The following LGR5 variants were observed in gnomAD, a reference collection of about 807,000 sequenced individuals.
LGR5 encodes the protein leucine rich repeat containing G protein-coupled receptor 5.
In LGR5, 54 loss-of-function variants were observed where a neutral mutation model predicts 76.7. The observed-to-expected ratio is 0.70, with a 90% CI of 0.57 to 0.88. The LOEUF is 0.88. Among genes scored for constraint, LGR5 ranks in the 40% least tolerant of loss-of-function variants. The pLI is 0.00. For synonymous variants in LGR5, 406 were observed against 421.9 expected, an observed-to-expected ratio of 0.96 and a Z score of 0.46; for missense variants, 1,078 against 1,073.3, an observed-to-expected ratio of 1.00 and a Z score of -0.06.
intron 1 of LGR5, among the ~76,000 whole-genome samples, chr12:71,470,352 G>T (rs1441676460): frequency 2.0e-5 from 3 of 152,152 alleles, no homozygotes; most frequent in Non-Finnish European, 4.4e-5. Flanking sequence ...AATATAACTA[G>T]AATTTATTAA....
intron 1 of LGR5, among the ~76,000 whole-genome samples, chr12:71,471,693 C>A (rs753031342): frequency 6.6e-6 from 1 of 151,010 alleles, no homozygotes; most frequent in African/African-American, 2.4e-5. Context: ...TTGAATCCTC[C>A]GCAACTTACC....
chr12:71,526,640 G>A (rs1876019353), intron 3 of LGR5, among the ~76,000 whole-genome samples: 1 of 152,108 alleles, frequency 6.6e-6, no homozygotes. Flanking sequence ...ACAGACTGTG[G>A]GACCAAGATA....
chr12:71,497,505 G>A (rs781691850), intron 1 of LGR5, among the ~76,000 whole-genome samples: 1 of 152,038 alleles, frequency 6.6e-6, no homozygotes, highest in Non-Finnish European at 1.5e-5. Flanking sequence ...GTGTTTTGGA[G>A]TTAAAAATGA....
chr12:71,584,275 C>T lies in LGR5; in HGVS notation c.2265C>T (p.Asp755=). 1 of 1,614,210 alleles carries T rather than the reference C, an allele frequency of 6.2e-7. No individual in the cohort carries two copies. The highest frequency in any genetic ancestry group is 1.3e-5 in the African/African-American group (1 of 75,048). The change falls in exon 18 of 18, where the codon GAC becomes GAT. Residue 755 remains aspartate, a synonymous_variant. Transcript: ENST00000266674. ...TKLYCNLDKG[D]LENIWDCSMV... is the part of the protein sequence containing the mutation. ...TCTACTGCAATTTGGACAAGGGAGACCTGGAGAATATTTGGGACTGCTCTA... is the reference window on the plus strand; with the variant it reads ...TCTACTGCAATTTGGACAAGGGAGATCTGGAGAATATTTGGGACTGCTCTA...
At chr12:71,541,966 A>G (rs1565736537) in intron 4 of LGR5, among the ~76,000 whole-genome samples, 1 of 152,240 alleles carries the variant, frequency 6.6e-6, no homozygotes, top group Non-Finnish European at 1.5e-5. Flanking sequence ...AACACATATT[A>G]TACCTGTAGA....
chr12:71,445,094 T>C (rs930801252), intron 1 of LGR5, among the ~76,000 whole-genome samples: 1 of 152,192 alleles, frequency 6.6e-6, no homozygotes, highest in African/African-American at 2.4e-5. Flanking sequence ...TGAAGTAATG[T>C]TTTTGTTTGG....
At chr12:71,506,032 G>A (rs553267070) in intron 2 of LGR5, among the ~76,000 whole-genome samples, 1 of 152,178 alleles carries the variant, frequency 6.6e-6, no homozygotes, top group East Asian at 1.9e-4. Flanking sequence ...TAATGAGAAA[G>A]CAAAATATGT....
chr12:71,568,346 A>G (rs1038966670), intron 11 of LGR5, among the ~76,000 whole-genome samples: 1 of 152,192 alleles, frequency 6.6e-6, no homozygotes, highest in Non-Finnish European at 1.5e-5. Context: ...TCAGTTTCCC[A>G]GTCTATAAAA....
rs1417592145 is a variant in LGR5, at chr12:71,529,166, T to C, written c.356+4689T>C. ...TCTTTCCCTTATAATATATAACAAG[T>C]ATGATCTGTTATTACATATCGTATT... On this transcript the variant is annotated intron_variant, in intron 3 of 17. Coordinates refer to ENST00000266674, the MANE Select transcript of LGR5 (RefSeq NM_003667.4). Among the ~76,000 whole-genome samples, 7 of 152,330 alleles carry C rather than the reference T, an allele frequency of 4.6e-5. No individual in the cohort carries two copies. In the East Asian group the frequency reaches 1.3e-3, roughly 29 times the overall value.
At chr12:71,542,967 A>G (rs1211302440) in intron 4 of LGR5, among the ~76,000 whole-genome samples, 1 of 152,186 alleles carries the variant, frequency 6.6e-6, no homozygotes, top group Non-Finnish European at 1.5e-5. Flanking sequence ...ACTACCCTTT[A>G]GAAAACATGC....
intron 13 of LGR5, among the ~76,000 whole-genome samples, chr12:71,574,252 G>A (rs532475507): frequency 4.2e-5 from 5 of 120,288 alleles, no homozygotes; most frequent in South Asian, 2.9e-4. Flanking sequence ...GCAGTGAGCC[G>A]AGATCACGCC....
intron 1 of LGR5, among the ~76,000 whole-genome samples, chr12:71,503,038 C>T (rs1348536333): frequency 3.9e-5 from 6 of 152,152 alleles, no homozygotes; most frequent in Non-Finnish European, 5.9e-5. Context: ...ATCAAACCAC[C>T]TTGATCCTTT....
chr12:71,567,146 T>C, intron 11 of LGR5: 2 of 507,058 alleles, frequency 3.9e-6, no homozygotes, highest in Non-Finnish European at 3.6e-6. Context: ...CACTAGACTT[T>C]CAGTTGGCAC....
chr12:71,446,968 C>G (rs1257670579), intron 1 of LGR5, among the ~76,000 whole-genome samples: 3 of 152,162 alleles, frequency 2.0e-5, no homozygotes, highest in African/African-American at 7.2e-5. Context: ...TAGTAACCAC[C>G]TAGGCAAGAA....
chr12:71,499,029 C>T (rs1472871007), intron 1 of LGR5, among the ~76,000 whole-genome samples: 1 of 152,178 alleles, frequency 6.6e-6, no homozygotes, highest in African/African-American at 2.4e-5. Context: ...TTTATAGTCA[C>T]CGATCTGCAC....
Position 71,551,744 on chromosome 12 carries a change from A to T in LGR5, c.429-1329A>T, listed in dbSNP as rs192950687. 1.5e-3 allele frequency among the ~76,000 whole-genome samples: 224 copies of T among 152,334 alleles called. 1 individual carries two copies. The highest frequency in any genetic ancestry group is 4.4e-3 in the African/African-American group (185 of 41,574). ...TATTGCACTCCCTCTGCTGGCTTTTAGGTGGCAACAGCTCATTAACCAGAC... is the reference window on the plus strand; with the variant it reads ...TATTGCACTCCCTCTGCTGGCTTTTTGGTGGCAACAGCTCATTAACCAGAC... On this transcript the variant is annotated intron_variant, in intron 4 of 17. Transcript: ENST00000266674.
chr12:71,557,324 T>G (rs1877821782), intron 6 of LGR5, among the ~76,000 whole-genome samples: 1 of 152,234 alleles, frequency 6.6e-6, no homozygotes, highest in Non-Finnish European at 1.5e-5. Context: ...GTAGCTACTA[T>G]TTATTGAATA....
Position 71,584,533 on chromosome 12 carries a change from G to A in LGR5, c.2523G>A (p.Trp841Ter), listed in dbSNP as rs1416685198. 6.2e-7 allele frequency: 1 copy of A among 1,613,924 alleles called. No homozygotes were observed. Among genetic ancestry groups the A allele is most frequent in the African/African-American group, 1.3e-5 (1 of 74,886 alleles). Residue 841 changes from tryptophan (W) to a stop codon, truncating the protein, a stop_gained, in exon 18 of 18, where the codon TGG (tryptophan) becomes TGA (stop). Coordinates refer to ENST00000266674, the MANE Select transcript of LGR5 (RefSeq NM_003667.4). LOFTEE classifies it high-confidence loss of function. ...GCCTGAGAAAGCAAACCTACGTCTG[G>A]ACAAGATCAAAACACCCAAGCTTGA... ...LVSLRKQTYV[W>*]TRSKHPSLMS...
chr12:71,569,032 T>C (rs1029420613), intron 11 of LGR5, among the ~76,000 whole-genome samples: 1 of 152,180 alleles, frequency 6.6e-6, no homozygotes, highest in African/African-American at 2.4e-5. Context: ...ACATGGTACC[T>C]TTATATAAGA....
Sources: allele counts gnomAD v4.1 joint callset (sites outside exome capture counted in the v4.1 genomes callset), GRCh38; gene constraint gnomAD v4.1.1; transcripts MANE v1.5; gene names NCBI Gene and HGNC (gene_info 2026-07-23, HGNC 2026-07-21).